Variants in PTPRJ observed in about 807,000 individuals in gnomAD.
The protein encoded by PTPRJ is protein tyrosine phosphatase receptor type J.
In PTPRJ, 129 loss-of-function variants were observed where a neutral mutation model predicts 141.3. The ratio of observed to expected loss-of-function variants is 0.91; its 90% CI spans 0.79 to 1.06. PTPRJ has a LOEUF of 1.06. Among genes scored for constraint, PTPRJ ranks in the 50% least tolerant of loss-of-function variants. The pLI is 0.00. For synonymous variants in PTPRJ, 610 were observed against 640.5 expected (o/e 0.95, Z 0.72); for missense variants, 1,601 against 1,679.7 (o/e 0.95, Z 0.82).
rs752139572 is a variant in PTPRJ, at chr11:48,146,892, G to A, written c.2928G>A (p.Ala976=). The A allele has an allele frequency of 9.3e-6, 15 of 1,613,948 alleles. No individual in the cohort carries two copies. The highest frequency in any genetic ancestry group is 1.2e-5 in the Non-Finnish European group (14 of 1,179,986). ...TTTTCTCAGGTGTCATCTGTGGAGC[G>A]GTTTTTGGCTGTATCTTTGGTGCCC... ...LPQDPGVICG[A]VFGCIFGALV... Residue 976 remains alanine, a synonymous_variant, in exon 15 of 25, where the codon GCG becomes GCA. Transcript: ENST00000418331.
At chr11:48,088,622 C>A (rs1367810123) in intron 1 of PTPRJ, among the ~76,000 whole-genome samples, 2 of 152,118 alleles carry the variant, frequency 1.3e-5, no homozygotes, top group Non-Finnish European at 2.9e-5. Context: ...CTTCTATGGG[C>A]CCTCTATAGA....
intron 5 of PTPRJ, 94 bp downstream of exon 5, chr11:48,123,964 G>C (rs773914908): frequency 3.3e-5 from 45 of 1,378,016 alleles, no homozygotes; most frequent in Non-Finnish European, 4.3e-5. Flanking sequence ...CATGTGTATG[G>C]AGATTTAGAA....
chr11:47,984,071 T>C (rs955519569), intron 1 of PTPRJ, among the ~76,000 whole-genome samples: 3 of 152,224 alleles, frequency 2.0e-5, no homozygotes, highest in Non-Finnish European at 4.4e-5. Context: ...CAAACGATTA[T>C]GTTTTGTTTG....
Position 48,064,500 on chromosome 11 carries a change from T to A in PTPRJ, c.97-45558T>A, listed in dbSNP as rs184298154. Among the ~76,000 whole-genome samples the A allele has an allele frequency of 5.5e-4, 84 of 152,242 alleles. 1 individual carries two copies. Among genetic ancestry groups the A allele is most frequent in the Admixed American group, 3.8e-3 (58 of 15,284 alleles). ...TTGGGCATTGCCTGTTTAGGCAGAGTCTGCCCGAGCCTTTCCTGCTCCCTG... is the reference window on the plus strand; with the variant it reads ...TTGGGCATTGCCTGTTTAGGCAGAGACTGCCCGAGCCTTTCCTGCTCCCTG... On this transcript the variant is annotated intron_variant, in intron 1 of 24. Transcript: ENST00000418331.
rs1168074772 is a variant in PTPRJ, at chr11:48,035,542, T to C, written c.96+54534T>C. 3.7e-3 allele frequency among the ~76,000 whole-genome samples: 443 copies of C among 120,326 alleles called. 2 individuals carry two copies. Among genetic ancestry groups the C allele is most frequent in the Non-Finnish European group, 4.4e-3 (271 of 62,296 alleles). 78.9% of individuals were successfully genotyped at this position (120,326 alleles called of 152,430 possible). On this transcript the variant is annotated intron_variant, in intron 1 of 24. Coordinates refer to ENST00000418331, the MANE Select transcript of PTPRJ (RefSeq NM_002843.4). ...TTTTCTTTTTTCTTTCTTCTTCTTT[T>C]TTTTTTTTTTTTTTTTTTTTTTTAG...
chr11:47,990,420 A>G (rs1239205681), intron 1 of PTPRJ, among the ~76,000 whole-genome samples: 1 of 151,792 alleles, frequency 6.6e-6, no homozygotes, highest in Non-Finnish European at 1.5e-5. Context: ...ATGTCATGAA[A>G]CCTCTTTTTT....
intron 1 of PTPRJ, among the ~76,000 whole-genome samples, chr11:48,050,297 G>A (rs1195753132): frequency 6.6e-6 from 1 of 152,126 alleles, no homozygotes; most frequent in Non-Finnish European, 1.5e-5. Flanking sequence ...AAATTGAGCA[G>A]AAGGTGCAGA....
At chr11:48,164,029 T>G (rs1857851146) in intron 23 of PTPRJ, among the ~76,000 whole-genome samples, 1 of 152,152 alleles carries the variant, frequency 6.6e-6, no homozygotes, top group African/African-American at 2.4e-5. Context: ...AGGAATTAAT[T>G]TAGGACAGAA....
chr11:47,985,000 G>A (rs1362626864), intron 1 of PTPRJ, among the ~76,000 whole-genome samples: 2 of 151,968 alleles, frequency 1.3e-5, no homozygotes, highest in Non-Finnish European at 2.9e-5. Flanking sequence ...TTACAGGCAC[G>A]TGCCGCCATG....
intron 10 of PTPRJ, 51 bp downstream of exon 10, chr11:48,137,332 C>A: frequency 1.3e-6 from 2 of 1,567,560 alleles, no homozygotes; most frequent in Admixed American, 1.8e-5. Context: ...TGGTGCTGAC[C>A]TTGCAGGTCA....
chr11:48,028,662 G>A (rs1319718235), intron 1 of PTPRJ, among the ~76,000 whole-genome samples: 2 of 152,152 alleles, frequency 1.3e-5, no homozygotes, highest in Non-Finnish European at 2.9e-5. Context: ...GTGGTGGCGG[G>A]CACCCATAAT....
In PTPRJ at chr11:48,168,499, CTCTCTCTG is replaced by C. The variant is rs1362282713; in HGVS notation, c.*1138_*1145del. ...TTCCCCAAAGTCCACTGGCTTTCGT[CTCTCTCTG>C]CCGTGACACATATCGGAATCTACTG... On this transcript the variant is annotated 3_prime_UTR_variant, in exon 25 of 25. Transcript: ENST00000418331. 2.7e-4 allele frequency: 36 copies of C among 135,280 alleles called. 1 individual carries two copies. The highest frequency in any genetic ancestry group is 2.5e-4 in the Non-Finnish European group (16 of 64,362). The allele number at this position is 135,280 out of a possible 1,614,324, so 8.4% of individuals were successfully genotyped here.
At chr11:48,145,904 G>C (rs1857339522) in intron 14 of PTPRJ, among the ~76,000 whole-genome samples, 1 of 152,146 alleles carries the variant, frequency 6.6e-6, no homozygotes, top group Non-Finnish European at 1.5e-5. Flanking sequence ...TTGCCCAGGA[G>C]TACAGTGGCA....
chr11:48,105,731 C>T (rs746832971), intron 1 of PTPRJ, among the ~76,000 whole-genome samples: 18 of 152,194 alleles, frequency 1.2e-4, no homozygotes, highest in Non-Finnish European at 2.5e-4. Flanking sequence ...AGCTCTGTGC[C>T]GCAGATCTCT....
At chr11:48,142,489 C>A (rs1420064115) in intron 11 of PTPRJ, among the ~76,000 whole-genome samples, 2 of 151,830 alleles carry the variant, frequency 1.3e-5, no homozygotes, top group Admixed American at 1.3e-4. Context: ...GATGTCTTTG[C>A]ATGTATTTGT....
intron 1 of PTPRJ, among the ~76,000 whole-genome samples, chr11:48,022,954 G>A (rs1444786522): frequency 6.6e-6 from 1 of 152,104 alleles, no homozygotes; most frequent in African/African-American, 2.4e-5. Context: ...GGATTTGAAG[G>A]CTCAAGTCAC....
chr11:48,117,264 G>A (rs1281572713), intron 3 of PTPRJ, among the ~76,000 whole-genome samples: 2 of 152,060 alleles, frequency 1.3e-5, no homozygotes, highest in East Asian at 3.8e-4. Flanking sequence ...AAGCTCCCTG[G>A]GCACAGTGGC....
intron 1 of PTPRJ, among the ~76,000 whole-genome samples, chr11:48,089,824 T>C (rs547273256): frequency 1.3e-5 from 2 of 152,302 alleles, no homozygotes; most frequent in African/African-American, 4.8e-5. Flanking sequence ...TGAGCCAGAC[T>C]GCCCTGTTCC....
chr11:48,075,960 A>G (rs1417967863), intron 1 of PTPRJ, among the ~76,000 whole-genome samples: 1 of 152,114 alleles, frequency 6.6e-6, no homozygotes, highest in East Asian at 1.9e-4. Context: ...CTTCCCAGCT[A>G]AAGTCCTGGT....
Sources: allele counts gnomAD v4.1 joint callset (sites outside exome capture counted in the v4.1 genomes callset), GRCh38; gene constraint gnomAD v4.1.1; transcripts MANE v1.5; gene names NCBI Gene and HGNC (gene_info 2026-07-23, HGNC 2026-07-21).